Variants in TMEM266 observed in about 807,000 individuals in gnomAD.
The protein encoded by TMEM266 is transmembrane protein 266.
In TMEM266, 33 loss-of-function variants were observed where a neutral mutation model predicts 50.5. That is an observed-to-expected ratio of 0.65 (90% CI 0.50 to 0.87). TMEM266 has a LOEUF of 0.87. Among genes scored for constraint, TMEM266 ranks in the 40% least tolerant of loss-of-function variants. The pLI is 0.00. For missense variants in TMEM266, 655 were observed against 695.1 expected, an observed-to-expected ratio of 0.94 and a Z score of 0.65; for synonymous variants, 310 against 292.3, an observed-to-expected ratio of 1.06 and a Z score of -0.62.
chr15:76,185,060 T>C (rs1156413623), intron 8 of TMEM266, among the ~76,000 whole-genome samples: 3 of 152,228 alleles, frequency 2.0e-5, no homozygotes, highest in Non-Finnish European at 2.9e-5. Flanking sequence ...TGTTTCTTCC[T>C]GTTTTCAGCA....
At chr15:76,146,244 C>G (rs2037753379) in intron 3 of TMEM266, among the ~76,000 whole-genome samples, 1 of 152,128 alleles carries the variant, frequency 6.6e-6, no homozygotes, top group Admixed American at 6.5e-5. Flanking sequence ...AAATGACACT[C>G]TGTGCACACA....
rs377161065 is a variant in TMEM266 at position 76,141,557 on chromosome 15, A to G, written c.227+3662A>G. ...CCTAGCCTCAGTGTACTTTTTTAAA[A>G]AAGCATTTTTTAAAAATGTGGTAAA... On this transcript the variant is annotated intron_variant, in intron 3 of 10. Transcript: ENST00000388942. Among the ~76,000 whole-genome samples the G allele has an allele frequency of 2.0e-4, 31 of 152,288 alleles. 1 individual carries two copies. The East Asian group carries it at 3.3e-3, about 16-fold the overall frequency.
chr15:76,191,286 T>C (rs563468467), intron 8 of TMEM266, among the ~76,000 whole-genome samples: 1 of 152,320 alleles, frequency 6.6e-6, no homozygotes, highest in East Asian at 1.9e-4. Flanking sequence ...GAAATTCAAA[T>C]AGGCTGCCAC....
intron 1 of TMEM266, among the ~76,000 whole-genome samples, chr15:76,072,610 G>A (rs1248524026): frequency 1.8e-4 from 27 of 151,918 alleles, no homozygotes; most frequent in Non-Finnish European, 1.5e-5. Context: ...CTGTGGTTTA[G>A]GTATTCCAGA....
At chr15:76,202,111 C>T (rs2038757626) in intron 9 of TMEM266, 91 bp from the exon 10 acceptor site, 2 of 1,134,616 alleles carry the variant, frequency 1.8e-6, no homozygotes, top group African/African-American at 1.6e-5. Context: ...AGACAGCTGC[C>T]TTCTCTTGTG....
At chr15:76,078,924 C>T (rs2036643763) in intron 1 of TMEM266, among the ~76,000 whole-genome samples, 1 of 152,180 alleles carries the variant, frequency 6.6e-6, no homozygotes. Context: ...CCAACAAAGC[C>T]AAATTCCTTG....
intron 1 of TMEM266, among the ~76,000 whole-genome samples, chr15:76,067,660 GA>G (rs1245697064): frequency 7.2e-6 from 1 of 138,126 alleles, no homozygotes; most frequent in Non-Finnish European, 1.6e-5. Context: ...GAAAAGAAAA[GA>G]AAAGAAAAGA....
At chr15:76,183,947 C>A (rs965371018) in intron 8 of TMEM266, among the ~76,000 whole-genome samples, 2 of 152,178 alleles carry the variant, frequency 1.3e-5, no homozygotes, top group African/African-American at 4.8e-5. Flanking sequence ...GAGCCAGGGC[C>A]CATCTCCCCA....
rs377196487 is a variant in TMEM266, at chr15:76,122,753, A to G, written c.-96-11415A>G. ...AGAATTCTGGAGGGAAAATGACATC[A>G]GGCTGGGGCTGAGGATTGCTTGCTG... On this transcript the variant is annotated intron_variant, in intron 1 of 10. Transcript: ENST00000388942. Among the ~76,000 whole-genome samples the G allele has an allele frequency of 5.3e-5, 8 of 152,286 alleles. No individual in the cohort carries two copies. The East Asian group carries it at 1.4e-3, about 26-fold the overall frequency.
intron 8 of TMEM266, among the ~76,000 whole-genome samples, chr15:76,177,400 T>C (rs1456598224): frequency 1.3e-5 from 2 of 152,222 alleles, no homozygotes; most frequent in Non-Finnish European, 2.9e-5. Flanking sequence ...CCCCAGCCTC[T>C]CACAGTTTTG....
At position 76,168,242 on chromosome 15, in the gene TMEM266, G is replaced by A. The variant is rs1012388027; in HGVS notation, c.457-1574G>A. Among the ~76,000 whole-genome samples, 1 of 152,094 alleles carries A rather than the reference G, an allele frequency of 6.6e-6. No individual in the cohort carries two copies. Among genetic ancestry groups the A allele is most frequent in the African/African-American group, 2.4e-5 (1 of 41,414 alleles). On this transcript the variant is annotated intron_variant, in intron 5 of 10. Coordinates refer to ENST00000388942, the MANE Select transcript of TMEM266 (RefSeq NM_152335.3). The surrounding 1 kb of genome is among the most constrained non-coding windows in gnomAD (Gnocchi z 4.4). ...GGGAAGTTATAGCGGAGCGGACTTC[G>A]GGCTGCCACATGCTCCTCTCTCTAC...
intron 7 of TMEM266, 63 bp downstream of exon 7, chr15:76,171,194 G>C: frequency 6.3e-7 from 1 of 1,587,888 alleles, no homozygotes. Context: ...TTTCAACTGA[G>C]AGGAGATGCC....
At chr15:76,132,935 G>C (rs1203393005) in intron 1 of TMEM266, among the ~76,000 whole-genome samples, 2 of 151,130 alleles carry the variant, frequency 1.3e-5, no homozygotes, top group Non-Finnish European at 2.9e-5. Context: ...AGGAGTTTGA[G>C]ACCAGCCTGG....
intron 1 of TMEM266, among the ~76,000 whole-genome samples, chr15:76,082,686 T>C (rs2036713168): frequency 6.6e-6 from 1 of 152,092 alleles, no homozygotes; most frequent in Non-Finnish European, 1.5e-5. Flanking sequence ...ACCAGCTGTG[T>C]GGCTGGGCAT....
At chr15:76,132,388 C>T (rs998601009) in intron 1 of TMEM266, among the ~76,000 whole-genome samples, 11 of 151,980 alleles carry the variant, frequency 7.2e-5, no homozygotes, top group East Asian at 3.9e-4. Flanking sequence ...GGATTATAGG[C>T]GTGAACCACC....
At chr15:76,151,415 C>T (rs1210898546) in intron 3 of TMEM266, among the ~76,000 whole-genome samples, 1 of 152,160 alleles carries the variant, frequency 6.6e-6, no homozygotes, top group African/African-American at 2.4e-5. Flanking sequence ...CACTGGTCAA[C>T]CAAAAGCCTG....
chr15:76,092,612 C>A (rs2036863881), intron 1 of TMEM266, among the ~76,000 whole-genome samples: 1 of 151,610 alleles, frequency 6.6e-6, no homozygotes, highest in Non-Finnish European at 1.5e-5. Flanking sequence ...ATTGCTTGAA[C>A]CCGGGAAGCG....
At chr15:76,127,890 A>T (rs1234733224) in intron 1 of TMEM266, among the ~76,000 whole-genome samples, 1 of 152,220 alleles carries the variant, frequency 6.6e-6, no homozygotes, top group African/African-American at 2.4e-5. Context: ...ATTTGTTAGA[A>T]ATGTACATTT....
chr15:76,127,976 G>A (rs1169025207), intron 1 of TMEM266, among the ~76,000 whole-genome samples: 1 of 152,074 alleles, frequency 6.6e-6, no homozygotes, highest in Non-Finnish European at 1.5e-5. Context: ...AGCCCTTTAG[G>A]TGATTATTCT....
Sources: allele counts gnomAD v4.1 joint callset (sites outside exome capture counted in the v4.1 genomes callset), GRCh38; gene constraint gnomAD v4.1.1; non-coding constraint Gnocchi (gnomAD v3.1); transcripts MANE v1.5; gene names NCBI Gene and HGNC (gene_info 2026-07-23, HGNC 2026-07-21).